CUZD1: variants seen among roughly 807,000 people sequenced by gnomAD.
CUZD1 encodes CUB and zona pellucida like domains 1.
A neutral mutation model predicts 53.1 loss-of-function variants in CUZD1; 42 were observed. The ratio of observed to expected loss-of-function variants is 0.79; its 90% CI spans 0.62 to 1.02. The LOEUF is 1.02. Among genes scored for constraint, CUZD1 ranks in the 50% least tolerant of loss-of-function variants. The probability of loss-of-function intolerance (pLI) is 0.00; values close to 1 mark genes in which losing one functional copy is unlikely to be tolerated. For synonymous variants in CUZD1, 238 were observed against 257.2 expected (o/e 0.93, Z 0.71); for missense variants, 670 against 715.7 (o/e 0.94, Z 0.73).
intron 1 of CUZD1, among the ~76,000 whole-genome samples, chr10:122,845,307 C>T (rs1226615757): frequency 1.3e-5 from 2 of 152,128 alleles, no homozygotes; most frequent in Non-Finnish European, 2.9e-5. Flanking sequence ...GAACTCCTGA[C>T]CTCGTGATCC....
chr10:122,834,603 G>T (rs1847216495), intron 7 of CUZD1, 103 bp downstream of exon 7: 1 of 837,572 alleles, frequency 1.2e-6, no homozygotes, highest in Non-Finnish European at 1.7e-6. Flanking sequence ...TTCATGTAGT[G>T]CTAGGAAAAA....
Position 122,835,113 on chromosome 10 carries a change from G to T in CUZD1, c.991-16C>A, listed in dbSNP as rs751577628. ...GATCTTCTACCTGCAGAACGAGATA[G>T]AATTCAATTTTTATATTTTAAGTCC... is the stretch of plus-strand genomic sequence containing the variant. On this transcript the variant is annotated splice_polypyrimidine_tract_variant and intron_variant, in intron 6 of 8. Coordinates refer to ENST00000392790, the MANE Select transcript of CUZD1 (RefSeq NM_022034.6). 6.6e-7 allele frequency: 1 copy of T among 1,512,606 alleles called. No homozygotes were observed. Among genetic ancestry groups the T allele is most frequent in the Non-Finnish European group, 8.8e-7 (1 of 1,130,504 alleles). 93.7% of individuals were successfully genotyped at this position (1,512,606 alleles called of 1,614,324 possible).
At chr10:122,835,404 A>G (rs1847233815) in intron 6 of CUZD1, among the ~76,000 whole-genome samples, 1 of 152,200 alleles carries the variant, frequency 6.6e-6, no homozygotes, top group South Asian at 2.1e-4. Flanking sequence ...ACACCTTACT[A>G]TATATTGCTT....
At position 122,832,173 on chromosome 10, in the gene CUZD1, C is replaced by T; in HGVS notation, c.*105G>A. ...CACAGTGACATGCAGGCCTGTGTGT[C>T]ACTTTCAGGCCCTTCCTCATTTATT... is the stretch of plus-strand genomic sequence containing the variant. On this transcript the variant is annotated 3_prime_UTR_variant, in exon 9 of 9. Transcript: ENST00000392790. 8.8e-7 allele frequency: 1 copy of T among 1,131,170 alleles called. No homozygotes were observed. Among genetic ancestry groups the T allele is most frequent in the Middle Eastern group, 2.2e-4 (1 of 4,546 alleles). The allele number at this position is 1,131,170 out of a possible 1,614,324, so 70.1% of individuals were successfully genotyped here.
rs766345318 is a variant in CUZD1 at position 122,836,878 on chromosome 10, C to A, written c.770G>T (p.Gly257Val). 4 of 1,614,000 alleles carry A rather than the reference C, an allele frequency of 2.5e-6. No individual in the cohort carries two copies. The highest frequency in any genetic ancestry group is 3.4e-6 in the Non-Finnish European group (4 of 1,179,958). Residue 257 changes from glycine to valine, a missense_variant, in exon 5 of 9, where the codon GGA (glycine) becomes GTA (valine). Gly to Val is a moderately radical substitution (Grantham distance 109). Transcript: ENST00000392790. ...AATTGAGGTGTAGGAAGCAGAAAAT[C>A]CCCGGTAAGAATTGGCATAATCTGT... ...LSTDYANSYR[G>V]FSASYTSIYA...
chr10:122,839,911 A>T (rs1248562823), intron 2 of CUZD1, among the ~76,000 whole-genome samples: 1 of 152,122 alleles, frequency 6.6e-6, no homozygotes, highest in Non-Finnish European at 1.5e-5. Flanking sequence ...TAAGTGATTT[A>T]ACCTTTCTTG....
At chr10:122,845,721 C>A in intron 1 of CUZD1, 41 bp downstream of exon 1, 1 of 1,582,400 alleles carries the variant, frequency 6.3e-7, no homozygotes, top group South Asian at 1.1e-5. Flanking sequence ...AAGAGAAGAA[C>A]TTCTCTGTTT....
At chr10:122,836,101 G>T in intron 6 of CUZD1, 77 bp downstream of exon 6, 1 of 1,343,472 alleles carries the variant, frequency 7.4e-7, no homozygotes, top group Non-Finnish European at 1.0e-6. Context: ...ACAGCAGCTA[G>T]CAAGCATTAC....
chr10:122,833,566 T>C, intron 8 of CUZD1, 106 bp downstream of exon 8: 1 of 1,202,086 alleles, frequency 8.3e-7, no homozygotes, highest in Non-Finnish European at 1.2e-6. Context: ...TTGCTAAAGC[T>C]ACTATTATAA....
chr10:122,840,654 C>T (rs1337434390), intron 2 of CUZD1, among the ~76,000 whole-genome samples: 1 of 151,968 alleles, frequency 6.6e-6, no homozygotes, highest in Non-Finnish European at 1.5e-5. Flanking sequence ...CACCTGGGCA[C>T]TTATAAAAAG....
At chr10:122,837,635 A>T (rs1425815045) in intron 3 of CUZD1, 81 bp from the exon 4 acceptor site, 2 of 1,312,206 alleles carry the variant, frequency 1.5e-6, no homozygotes, top group African/African-American at 3.0e-5. Flanking sequence ...ATTGAGCTTA[A>T]CACATCTCTC....
intron 2 of CUZD1, among the ~76,000 whole-genome samples, chr10:122,840,793 C>T (rs1485265823): frequency 6.6e-6 from 1 of 152,116 alleles, no homozygotes; most frequent in Admixed American, 6.5e-5. Context: ...TGTGTGAAAG[C>T]TCCTCCACTG....
chr10:122,838,490 A>G (rs149573406), intron 3 of CUZD1, among the ~76,000 whole-genome samples: 2 of 152,110 alleles, frequency 1.3e-5, no homozygotes, highest in African/African-American at 2.4e-5. Flanking sequence ...TTAAATTTCA[A>G]TGGTGAGCCC....
chr10:122,834,670 G>A (rs758705118), intron 7 of CUZD1, 36 bp downstream of exon 7: 8 of 1,467,660 alleles, frequency 5.5e-6, no homozygotes, highest in Admixed American at 2.4e-5. Context: ...CCACAGGAAG[G>A]AATATCATAC....
intron 8 of CUZD1, 91 bp downstream of exon 8, chr10:122,833,573 ATAAATCTC>A: frequency 7.8e-7 from 1 of 1,276,254 alleles, no homozygotes. Context: ...AGCTACTATT[ATAAATCTC>A]TAAACTGTAC....
chr10:122,833,933 G>A lies in CUZD1; in HGVS notation c.1390C>T (p.Arg464Ter), dbSNP rs200662445. ...GGATACACCTTACAAGTTTCATCTC[G>A]ACTACATCTGGAACAGAATTTATGA... is the stretch of plus-strand genomic sequence containing the variant. Reference protein sequence around the residue: ...TYDLIKSGCSRDETCKVYPLF... With the variant: ...TYDLIKSGCS Residue 464 changes from arginine to a stop codon, truncating the protein, a stop_gained, in exon 8 of 9, where the codon CGA becomes TGA. Coordinates refer to ENST00000392790, the MANE Select transcript of CUZD1 (RefSeq NM_022034.6). LOFTEE classifies it high-confidence loss of function. 67 of 1,611,522 alleles carry A rather than the reference G, an allele frequency of 4.2e-5. 1 individual carries two copies. The East Asian group carries it at 1.0e-3, about 24-fold the overall frequency.
chr10:122,833,902 A>G lies in CUZD1; in HGVS notation c.1421T>C (p.Phe474Ser), dbSNP rs1403920011. The change falls in exon 8 of 9, where the codon TTT becomes TCT. Residue 474 changes from phenylalanine to serine, a missense_variant. Phe to Ser is a radical substitution (Grantham distance 155). Transcript: ENST00000392790. ...RDETCKVYPL[F>S]GHYGRFQFNA... Reference sequence around the variant, plus strand: ...AAACTGGAATCTCCCATAGTGTCCAAATAAGGGATACACCTTACAAGTTTC... The same window carrying G: ...AAACTGGAATCTCCCATAGTGTCCAGATAAGGGATACACCTTACAAGTTTC... The G allele has an allele frequency of 1.2e-6, 2 of 1,613,844 alleles. No homozygotes were observed. Among genetic ancestry groups the G allele is most frequent in the South Asian group, 1.1e-5 (1 of 91,054 alleles).
Position 122,836,818 on chromosome 10 carries a change from A to G in CUZD1, c.817+13T>C, listed in dbSNP as rs1847258911. The G allele has an allele frequency of 6.3e-7, 1 of 1,595,110 alleles. No individual in the cohort carries two copies. The highest frequency in any genetic ancestry group is 8.6e-7 in the Non-Finnish European group (1 of 1,163,050). Reference sequence around the variant, plus strand: ...AGAGCTCAAAATAGCTAAGAATATAAAACATGACTTACTAGTGTTGATGTT... The same window carrying G: ...AGAGCTCAAAATAGCTAAGAATATAGAACATGACTTACTAGTGTTGATGTT... On this transcript the variant is annotated intron_variant, in intron 5 of 8. Transcript: ENST00000392790.
intron 2 of CUZD1, among the ~76,000 whole-genome samples, chr10:122,839,972 T>C (rs1041143109): frequency 6.6e-6 from 1 of 152,228 alleles, no homozygotes; most frequent in African/African-American, 2.4e-5. Flanking sequence ...TACTTCTCAT[T>C]ACTGTGTGAA....
Sources: gnomAD v4.1 joint callset for allele counts (sites outside exome capture counted in the v4.1 genomes callset) on GRCh38, gnomAD v4.1.1 for gene constraint, MANE v1.5 for transcripts, NCBI Gene and HGNC (gene_info 2026-07-23, HGNC 2026-07-21) for gene names.